Variants in ANKRD44 observed in about 807,000 individuals in gnomAD.
ANKRD44 encodes serine/threonine-protein phosphatase 6 regulatory ankyrin repeat subunit B.
A neutral mutation model predicts 116.0 loss-of-function variants in ANKRD44; 35 were observed. The ratio of observed to expected loss-of-function variants is 0.30; its 90% confidence interval spans 0.23 to 0.40. ANKRD44 has a LOEUF of 0.40. Ranked by LOEUF, ANKRD44 falls within the 10% of genes least tolerant of loss-of-function variation. The pLI is 1.00. For missense variants in ANKRD44, 1,014 were observed against 1,242.6 expected (o/e 0.82, Z 2.77); for synonymous variants, 435 against 461.8 (o/e 0.94, Z 0.74).
chr2:197,276,832 C>G (rs1298789312), intron 1 of ANKRD44, among the ~76,000 whole-genome samples: 1 of 152,110 alleles, frequency 6.6e-6, no homozygotes, highest in Non-Finnish European at 1.5e-5. Flanking sequence ...TGAGGCCCAC[C>G]CACAGCACAA....
chr2:197,174,061 A>G (rs1009176605), intron 2 of ANKRD44, among the ~76,000 whole-genome samples: 1 of 152,094 alleles, frequency 6.6e-6, no homozygotes, highest in Non-Finnish European at 1.5e-5. Flanking sequence ...AAACAAACAA[A>G]CAACTTACAA....
chr2:197,284,444 C>G (rs2083347696), intron 1 of ANKRD44, among the ~76,000 whole-genome samples: 2 of 151,728 alleles, frequency 1.3e-5, no homozygotes, highest in Non-Finnish European at 2.9e-5. Context: ...ATTAATTTCT[C>G]CAAACCCTAG....
intron 9 of ANKRD44, among the ~76,000 whole-genome samples, chr2:197,108,710 C>A (rs908694528): frequency 6.6e-6 from 1 of 152,078 alleles, no homozygotes; most frequent in East Asian, 1.9e-4. Context: ...CATGGTGGCA[C>A]ACCTGTAGTC....
chr2:197,272,720 G>C (rs2082936115), intron 1 of ANKRD44, among the ~76,000 whole-genome samples: 1 of 152,162 alleles, frequency 6.6e-6, no homozygotes, highest in Non-Finnish European at 1.5e-5. Flanking sequence ...TCCATCATGT[G>C]AGGACGCAGC....
At chr2:197,009,643 AC>A (rs2076261497) in intron 18 of ANKRD44, among the ~76,000 whole-genome samples, 2 of 152,198 alleles carry the variant, frequency 1.3e-5, no homozygotes, top group South Asian at 4.1e-4. Flanking sequence ...TGCTGGGATT[AC>A]AGGCATGAGC....
chr2:196,970,333 C>CA lies in ANKRD44; in HGVS notation c.2369-2888dup, dbSNP rs566202141. 1.6e-4 allele frequency among the ~76,000 whole-genome samples: 25 copies of CA among 151,584 alleles called. 1 individual carries two copies. Among genetic ancestry groups the CA allele is most frequent in the Admixed American group, 4.6e-4 (7 of 15,248 alleles). ...TTGACTAACGGATCTAGTCTCAGAA[C>CA]AAAAAAAATGTTAGAGCTGGAAGGA... On this transcript the variant is annotated intron_variant, in intron 21 of 21. Coordinates refer to the ANKRD44 transcript ENST00000424317.
At chr2:197,097,727 G>A (rs1159538449) in intron 10 of ANKRD44, among the ~76,000 whole-genome samples, 4 of 152,210 alleles carry the variant, frequency 2.6e-5, no homozygotes, top group Non-Finnish European at 5.9e-5. Context: ...TGGACCGCCT[G>A]CAGTATGTCT....
At chr2:197,279,886 C>T (rs62279250) in intron 1 of ANKRD44, among the ~76,000 whole-genome samples, 154 of 152,302 alleles carry the variant, frequency 1.0e-3, no homozygotes, top group Non-Finnish European at 1.2e-3. Context: ...TTCCTGGGTA[C>T]AGTGTCTTGT....
intron 27 of ANKRD44, among the ~76,000 whole-genome samples, chr2:196,991,294 C>T (rs533685204): frequency 2.8e-4 from 42 of 152,150 alleles, no homozygotes; most frequent in African/African-American, 8.4e-4. Context: ...AGGATGTTTC[C>T]GCCTGAGAGC....
chr2:197,286,180 A>G (rs1377123406), intron 1 of ANKRD44, among the ~76,000 whole-genome samples: 1 of 152,202 alleles, frequency 6.6e-6, no homozygotes, highest in East Asian at 1.9e-4. Flanking sequence ...GCTTCAAAAG[A>G]TTCCAGTCCC....
chr2:197,153,225 C>CAAA (rs75600123), intron 2 of ANKRD44, among the ~76,000 whole-genome samples: 29,579 of 68,258 alleles, frequency 0.43, 6,820 homozygotes, highest in East Asian at 0.62. Flanking sequence ...AAGACCCTGC[C>CAAA]AAAAAAAAAA....
chr2:197,192,487 C>T (rs893415184), intron 1 of ANKRD44, among the ~76,000 whole-genome samples: 2 of 152,194 alleles, frequency 1.3e-5, no homozygotes, highest in South Asian at 2.1e-4. Flanking sequence ...ATTCTGAGTA[C>T]ATATGTCATT....
rs2077336077 is a variant in ANKRD44 at position 197,062,457 on chromosome 2, G to T, written c.1650+16246C>A. ...GAAGACAACATCCGATCTTTATTCA[G>T]TTTATAAAATTGGATACCCTACTTA... On this transcript the variant is annotated intron_variant, in intron 16 of 27. Transcript: ENST00000282272. Among the ~76,000 whole-genome samples the T allele has an allele frequency of 3.9e-5, 6 of 152,198 alleles. No homozygotes were observed. The South Asian group carries it at 1.2e-3, about 31-fold the overall frequency.
At chr2:197,102,488 T>C (rs776514171) in intron 9 of ANKRD44, among the ~76,000 whole-genome samples, 3 of 152,232 alleles carry the variant, frequency 2.0e-5, no homozygotes, top group Non-Finnish European at 4.4e-5. Context: ...GAATATCTGC[T>C]ATCTGATGGG....
intron 16 of ANKRD44, among the ~76,000 whole-genome samples, chr2:197,075,865 C>T (rs575515787): frequency 6.6e-6 from 1 of 152,212 alleles, no homozygotes; most frequent in African/African-American, 2.4e-5. Flanking sequence ...AGAAAATATA[C>T]ATCAAATTTA....
At chr2:197,299,640 G>A (rs572469354) in intron 1 of ANKRD44, 3 of 152,140 alleles carry the variant, frequency 2.0e-5, no homozygotes, top group East Asian at 1.9e-4. Flanking sequence ...ATGAAGACAC[G>A]AAGGCATAAG....
intron 1 of ANKRD44, among the ~76,000 whole-genome samples, chr2:197,260,594 G>T (rs557859558): frequency 2.6e-5 from 4 of 151,616 alleles, no homozygotes; most frequent in African/African-American, 9.7e-5. Flanking sequence ...TTGGGTATAT[G>T]CCCAGTAATG....
chr2:197,080,893 G>A (rs1168629517), intron 15 of ANKRD44, among the ~76,000 whole-genome samples: 2 of 152,208 alleles, frequency 1.3e-5, no homozygotes, highest in African/African-American at 2.4e-5. Context: ...ACAGGGGTGA[G>A]GCACAAGGAG....
chr2:196,989,364 C>A lies in ANKRD44; in HGVS notation c.*227G>T. 2 of 1,069,690 alleles carry A rather than the reference C, an allele frequency of 1.9e-6. No homozygotes were observed. Among genetic ancestry groups the A allele is most frequent in the Non-Finnish European group, 1.1e-6 (1 of 885,064 alleles). 66.3% of individuals were successfully genotyped at this position (1,069,690 alleles called of 1,614,324 possible). On this transcript the variant is annotated 3_prime_UTR_variant, in exon 28 of 28. Coordinates refer to ENST00000282272, the MANE Select transcript of ANKRD44 (RefSeq NM_001195144.2). ...TCTGTGTCCTAAGAAATATAAAATA[C>A]AACAAAGACTGGTACACAGAAAGAT...
Sources: allele counts gnomAD v4.1 joint callset (sites outside exome capture counted in the v4.1 genomes callset), GRCh38; gene constraint gnomAD v4.1.1; transcripts MANE v1.5; gene names NCBI Gene and HGNC (gene_info 2026-07-23, HGNC 2026-07-21).